WDR49: variants seen among roughly 807,000 people sequenced by gnomAD.
WDR49 encodes cilia- and flagella-associated protein 337.
In WDR49, 107 loss-of-function variants were observed where a neutral mutation model predicts 119.5. That is an observed-to-expected ratio of 0.90 (90% CI 0.77 to 1.05). The LOEUF is 1.05. WDR49 is among the 50% of genes least tolerant of loss of function. The pLI is 0.00. For missense variants in WDR49, 1,240 were observed against 1,220.5 expected (o/e 1.02, Z -0.24); for synonymous variants, 425 against 418.8 (o/e 1.01, Z -0.18).
At chr3:167,567,466 T>C (rs1268857102) in intron 8 of WDR49, among the ~76,000 whole-genome samples, 3 of 152,244 alleles carry the variant, frequency 2.0e-5, no homozygotes, top group African/African-American at 4.8e-5. Context: ...TGTGAAGTCA[T>C]GTGCAACACG....
chr3:167,619,387 T>A (rs918361128), intron 5 of WDR49, among the ~76,000 whole-genome samples: 2 of 152,158 alleles, frequency 1.3e-5, no homozygotes, highest in Non-Finnish European at 2.9e-5. Context: ...GACCAAAAAC[T>A]GTCATCTTTT....
intron 16 of WDR49, among the ~76,000 whole-genome samples, chr3:167,517,840 C>T (rs1056661395): frequency 2.6e-5 from 4 of 151,542 alleles, no homozygotes; most frequent in Admixed American, 6.6e-5. Context: ...TCCATTAACT[C>T]GTCATCTAGC....
chr3:167,579,284 C>T (rs1336081905), intron 7 of WDR49, among the ~76,000 whole-genome samples: 1 of 152,122 alleles, frequency 6.6e-6, no homozygotes, highest in African/African-American at 2.4e-5. Flanking sequence ...GATTGTGGCT[C>T]ACTCTGTCTA....
At chr3:167,504,767 A>C (rs895917581) in intron 17 of WDR49, among the ~76,000 whole-genome samples, 1 of 152,116 alleles carries the variant, frequency 6.6e-6, no homozygotes. Context: ...TGTAATCCCC[A>C]GTGTTGGAGA....
chr3:167,634,094 T>G (rs1348470257), intron 2 of WDR49, among the ~76,000 whole-genome samples: 2 of 151,938 alleles, frequency 1.3e-5, no homozygotes, highest in Non-Finnish European at 2.9e-5. Context: ...CAGTAAACAA[T>G]GTGTTCCCAT....
At chr3:167,601,691 T>G (rs775025036) in intron 7 of WDR49, among the ~76,000 whole-genome samples, 4 of 152,216 alleles carry the variant, frequency 2.6e-5, no homozygotes, top group Non-Finnish European at 5.9e-5. Flanking sequence ...AGGTTCTTAA[T>G]GTGCTTGATG....
At chr3:167,621,004 C>G (rs1301235533) in intron 4 of WDR49, among the ~76,000 whole-genome samples, 1 of 151,676 alleles carries the variant, frequency 6.6e-6, no homozygotes, top group Non-Finnish European at 1.5e-5. Context: ...GGTTTCAGAG[C>G]TGCCCTCTCT....
At chr3:167,482,719 A>G (rs1750768657) in intron 18 of WDR49, among the ~76,000 whole-genome samples, 1 of 151,930 alleles carries the variant, frequency 6.6e-6, no homozygotes, top group African/African-American at 2.4e-5. Flanking sequence ...GACAGAGAAA[A>G]TTTTGAAAAA....
chr3:167,561,072 C>G (rs7651024), intron 8 of WDR49, among the ~76,000 whole-genome samples: 53,772 of 151,714 alleles, frequency 0.35, 9,713 homozygotes, highest in African/African-American at 0.42. Context: ...TTTAAGGAAG[C>G]TTAAAGCATT....
intron 3 of WDR49, among the ~76,000 whole-genome samples, chr3:167,623,572 C>CA (rs1716968655): frequency 6.6e-6 from 1 of 151,758 alleles, no homozygotes; most frequent in South Asian, 2.1e-4. Flanking sequence ...ACAACAACAA[C>CA]AAAAATCCTA....
chr3:167,514,486 G>T (rs1752114814), intron 16 of WDR49, among the ~76,000 whole-genome samples: 1 of 152,020 alleles, frequency 6.6e-6, no homozygotes, highest in African/African-American at 2.4e-5. Flanking sequence ...AGCACTAAAT[G>T]CCCACATCAA....
intron 15 of WDR49, among the ~76,000 whole-genome samples, chr3:167,527,486 G>A (rs1752677914): frequency 6.6e-6 from 1 of 151,720 alleles, no homozygotes; most frequent in African/African-American, 2.4e-5. Flanking sequence ...TGTCTTTTTA[G>A]TTACATGATC....
rs1256402413 is a variant in WDR49, at chr3:167,621,646, A to C, written c.607-3T>G. ...TTACTTGTAAAAGCCACTGCTATCT[A>C]AAGTAGCAGAGTAGAAAATCAGAAA... is the stretch of plus-strand genomic sequence containing the variant. On this transcript the variant is annotated splice_region_variant and splice_polypyrimidine_tract_variant and intron_variant, in intron 3 of 18. Transcript: ENST00000682715. The C allele has an allele frequency of 6.6e-7, 1 of 1,523,000 alleles. No homozygotes were observed. The highest frequency in any genetic ancestry group is 1.4e-5 in the African/African-American group (1 of 72,308). The allele number at this position is 1,523,000 out of a possible 1,614,324, so 94.3% of individuals were successfully genotyped here.
chr3:167,644,668 G>A (rs1182803147), intron 2 of WDR49, among the ~76,000 whole-genome samples: 1 of 152,058 alleles, frequency 6.6e-6, no homozygotes, highest in Non-Finnish European at 1.5e-5. Flanking sequence ...ACTTCAGAAT[G>A]TATTTAGGGA....
At chr3:167,538,204 T>C (rs1401867780) in intron 10 of WDR49, among the ~76,000 whole-genome samples, 1 of 152,064 alleles carries the variant, frequency 6.6e-6, no homozygotes, top group African/African-American at 2.4e-5. Flanking sequence ...TTGCTAGAAA[T>C]AGTTTCCATT....
chr3:167,631,823 G>C (rs1327457263), intron 2 of WDR49, among the ~76,000 whole-genome samples: 2 of 152,076 alleles, frequency 1.3e-5, no homozygotes, highest in East Asian at 3.9e-4. Flanking sequence ...TCAGTTGCAA[G>C]AAAACTGTTA....
chr3:167,582,967 CAT>C (rs914128543), intron 7 of WDR49, among the ~76,000 whole-genome samples: 24 of 135,758 alleles, frequency 1.8e-4, no homozygotes, highest in African/African-American at 4.5e-4. Flanking sequence ...CACACACACA[CAT>C]ACACACACAC....
rs57719248 is a variant in WDR49 at position 167,488,145 on chromosome 3, AACACACACACACACACACAC to A, written c.3032-9169_3032-9150del. On this transcript the variant is annotated intron_variant, in intron 18 of 18. Coordinates refer to ENST00000682715, the MANE Select transcript of WDR49 (RefSeq NM_001366157.1). ...GGATAAAGAAAATGTGATACACTCA[AACACACACACACACACACAC>A]ACACACACACACACACACACACACA... is the stretch of plus-strand genomic sequence containing the variant. Among the ~76,000 whole-genome samples the A allele has an allele frequency of 1.5e-3, 210 of 136,282 alleles. 1 individual carries two copies. The highest frequency in any genetic ancestry group is 2.8e-3 in the African/African-American group (107 of 37,688). The allele number at this position is 136,282 out of a possible 152,430, so 89.4% of individuals were successfully genotyped here.
Position 167,521,524 on chromosome 3 carries a change from A to G in WDR49, c.2774+791T>C, listed in dbSNP as rs553069877. Among the ~76,000 whole-genome samples the G allele has an allele frequency of 2.6e-5, 4 of 152,312 alleles. No individual in the cohort carries two copies. In the South Asian group the frequency reaches 8.3e-4, roughly 32 times the overall value. On this transcript the variant is annotated intron_variant, in intron 16 of 18. Transcript: ENST00000682715. Reference sequence around the variant, plus strand: ...TTTAACATAGAATGTTACAGAAGCAATGAATTAAAGCATGGTGGGAGTTTT... The same window carrying G: ...TTTAACATAGAATGTTACAGAAGCAGTGAATTAAAGCATGGTGGGAGTTTT...
Sources: allele counts gnomAD v4.1 joint callset (sites outside exome capture counted in the v4.1 genomes callset), GRCh38; gene constraint gnomAD v4.1.1; transcripts MANE v1.5; gene names NCBI Gene and HGNC (gene_info 2026-07-23, HGNC 2026-07-21).